Variants in XYLB observed in about 807,000 individuals in gnomAD.
XYLB encodes xylulokinase, also known as xylulose kinase.
A neutral mutation model predicts 78.7 loss-of-function variants in XYLB; 62 were observed. The observed-to-expected ratio is 0.79, with a 90% CI of 0.64 to 0.97. The LOEUF is 0.97. Ranked by LOEUF, XYLB falls within the 50% of genes least tolerant of loss-of-function variation. The pLI is 0.00. For synonymous variants in XYLB, 245 were observed against 247.4 expected (o/e 0.99, Z 0.09); for missense variants, 687 against 676.8 (o/e 1.02, Z -0.17).
At chr3:38,409,142 A>T (rs1708464779) in intron 18 of XYLB, among the ~76,000 whole-genome samples, 1 of 152,238 alleles carries the variant, frequency 6.6e-6, no homozygotes, top group African/African-American at 2.4e-5. Context: ...CCTCAATAAA[A>T]TACTGGCAAA....
chr3:38,354,071 T>C (rs3132440), intron 2 of XYLB, among the ~76,000 whole-genome samples: 43,279 of 151,746 alleles, frequency 0.29, 6,917 homozygotes, highest in Admixed American at 0.37. Context: ...AATATGTTTG[T>C]TTGTTTGTTT....
chr3:38,375,560 C>T (rs1377786776), intron 12 of XYLB, among the ~76,000 whole-genome samples: 2 of 152,156 alleles, frequency 1.3e-5, no homozygotes, highest in Non-Finnish European at 2.9e-5. Flanking sequence ...GCCACACTTT[C>T]CTCATGAGAT....
At chr3:38,409,962 G>A (rs1575543908) in intron 18 of XYLB, among the ~76,000 whole-genome samples, 1 of 152,260 alleles carries the variant, frequency 6.6e-6, no homozygotes, top group Middle Eastern at 3.4e-3. Context: ...TACTGCCCAA[G>A]GTAATTTATA....
intron 8 of XYLB, among the ~76,000 whole-genome samples, 194 bp from the exon 9 acceptor site, chr3:38,369,862 C>T (rs948086764): frequency 1.3e-5 from 2 of 152,084 alleles, no homozygotes; most frequent in South Asian, 4.2e-4. Flanking sequence ...GGTGTGGTGC[C>T]GTGTGTTTCC....
chr3:38,387,273 C>T (rs1448447167), intron 15 of XYLB, among the ~76,000 whole-genome samples: 1 of 150,866 alleles, frequency 6.6e-6, no homozygotes, highest in African/African-American at 2.4e-5. Flanking sequence ...TTCAGTTACA[C>T]ATCTGCTGTT....
chr3:38,425,442 A>G (rs1218541621), downstream of XYLB, among the ~76,000 whole-genome samples: 3 of 152,250 alleles, frequency 2.0e-5, no homozygotes, highest in Non-Finnish European at 4.4e-5. Context: ...GAAGAGGAGG[A>G]TCAATGATTA....
At chr3:38,445,573 A>G in the XYLB span, among the ~76,000 whole-genome samples, 5 of 152,170 alleles carry the variant, frequency 3.3e-5, no homozygotes, top group African/African-American at 1.2e-4. Context: ...GGGCAATGTA[A>G]CTTTGAGAGT....
At chr3:38,432,385 G>C in the XYLB span, among the ~76,000 whole-genome samples, 1 of 152,042 alleles carries the variant, frequency 6.6e-6, no homozygotes, top group Non-Finnish European at 1.5e-5. Flanking sequence ...TGGTCAACAT[G>C]GTGAAATCCC....
At chr3:38,376,872 T>C (rs756219982) in intron 13 of XYLB, 46 bp from the exon 14 acceptor site, 2 of 1,556,250 alleles carry the variant, frequency 1.3e-6, no homozygotes, top group Non-Finnish European at 1.8e-6. Flanking sequence ...GCTGATCTTT[T>C]GTTTTTTGAC....
intron 8 of XYLB, 62 bp from the exon 9 acceptor site, chr3:38,369,994 G>A (rs1706459116): frequency 7.1e-7 from 1 of 1,409,964 alleles, no homozygotes; most frequent in Non-Finnish European, 1.0e-6. Context: ...TGCCAGATTT[G>A]TGCATTTTCA....
At chr3:38,395,807 G>T (rs548434216) in intron 16 of XYLB, among the ~76,000 whole-genome samples, 1 of 152,268 alleles carries the variant, frequency 6.6e-6, no homozygotes, top group African/African-American at 2.4e-5. Context: ...CTGTCCTCTG[G>T]AGTCACATGG....
chr3:38,438,639 C>A, the XYLB span, among the ~76,000 whole-genome samples: 1 of 152,200 alleles, frequency 6.6e-6, no homozygotes, highest in African/African-American at 2.4e-5. Flanking sequence ...TGTTACAGCT[C>A]ATAAAGCTGG....
chr3:38,364,710 C>T (rs1419298945), intron 4 of XYLB, among the ~76,000 whole-genome samples: 1 of 28,770 alleles, frequency 3.5e-5, no homozygotes, highest in African/African-American at 5.9e-5. Context: ...CCTGTCACTG[C>T]AGCTCCATAG....
At chr3:38,353,939 G>T (rs6781983) in intron 2 of XYLB, among the ~76,000 whole-genome samples, 3 of 151,198 alleles carry the variant, frequency 2.0e-5, no homozygotes, top group Non-Finnish European at 4.4e-5. Context: ...GAGATGTGAG[G>T]CTTATCATGT....
intron 2 of XYLB, among the ~76,000 whole-genome samples, chr3:38,354,211 T>A (rs1705519969): frequency 6.6e-6 from 1 of 151,690 alleles, no homozygotes; most frequent in South Asian, 2.1e-4. Context: ...GTAATTGGGA[T>A]TACAGGCGCC....
chr3:38,393,524 A>G (rs1707753925), intron 15 of XYLB, among the ~76,000 whole-genome samples: 1 of 152,202 alleles, frequency 6.6e-6, no homozygotes, highest in African/African-American at 2.4e-5. Context: ...GTGGCTTTGT[A>G]GTATGTCAGT....
At chr3:38,408,679 C>A (rs1318845964) in intron 18 of XYLB, among the ~76,000 whole-genome samples, 4 of 117,520 alleles carry the variant, frequency 3.4e-5, no homozygotes, top group Admixed American at 8.2e-5. Context: ...ATCAAATAGA[C>A]GCAATAAAAA....
chr3:38,372,848 A>T (rs879107319), intron 10 of XYLB, 112 bp downstream of exon 10: 3 of 1,118,072 alleles, frequency 2.7e-6, no homozygotes, highest in Admixed American at 1.9e-5. Flanking sequence ...ATTCCTCACC[A>T]CCCCCACCCA....
At chr3:38,358,954 T>C (rs965802872) in intron 2 of XYLB, among the ~76,000 whole-genome samples, 7 of 152,244 alleles carry the variant, frequency 4.6e-5, no homozygotes, top group Non-Finnish European at 1.0e-4. Context: ...GATCGCTTTT[T>C]TCCCTGCTTA....
Sources: allele counts gnomAD v4.1 joint callset (sites outside exome capture counted in the v4.1 genomes callset), GRCh38; gene constraint gnomAD v4.1.1; transcripts MANE v1.5; gene names NCBI Gene and HGNC (gene_info 2026-07-23, HGNC 2026-07-21).